The following FMO2 variants were observed in gnomAD, a reference collection of about 807,000 sequenced individuals.
The protein encoded by FMO2 is flavin-containing monooxygenase 2.
In FMO2, 33 loss-of-function variants were observed where a neutral mutation model predicts 41.6. The observed-to-expected ratio is 0.79, with a 90% confidence interval of 0.60 to 1.06. The LOEUF is 1.06. FMO2 is among the 50% of genes least tolerant of loss of function. FMO2 has a pLI of 0.00. For synonymous variants in FMO2, 214 were observed against 219.6 expected (o/e 0.97, Z 0.23); for missense variants, 619 against 632.9 (o/e 0.98, Z 0.23).
intron 2 of FMO2, among the ~76,000 whole-genome samples, chr1:171,189,700 C>G (rs976255299): frequency 2.2e-5 from 3 of 134,768 alleles, no homozygotes; most frequent in African/African-American, 8.5e-5. Context: ...GCTCTGTTGC[C>G]CAGGCTGGAG....
At chr1:171,201,839 A>AC (rs11368448) in intron 5 of FMO2, among the ~76,000 whole-genome samples, 152,276 of 152,284 alleles carry the variant, frequency 1, 76,134 homozygotes, top group Middle Eastern at 1. Flanking sequence ...CGAAGGGGGA[A>AC]CCCTTATAAA....
At chr1:171,198,307 T>C (rs192269412) in intron 4 of FMO2, among the ~76,000 whole-genome samples, 2 of 151,774 alleles carry the variant, frequency 1.3e-5, no homozygotes, top group African/African-American at 4.8e-5. Flanking sequence ...TTTTGTTTAC[T>C]TTTTGAAAAT....
At chr1:171,206,296 A>G (rs1053550385) in intron 7 of FMO2, among the ~76,000 whole-genome samples, 17 of 152,182 alleles carry the variant, frequency 1.1e-4, no homozygotes, top group African/African-American at 4.1e-4. Context: ...GGCACTTATC[A>G]TGGTAGAATA....
At chr1:171,192,120 A>G (rs1658108713) in intron 2 of FMO2, among the ~76,000 whole-genome samples, 1 of 152,208 alleles carries the variant, frequency 6.6e-6, no homozygotes, top group Non-Finnish European at 1.5e-5. Context: ...CTTGATTAAG[A>G]AACTCATTGT....
rs557783951 is a variant in FMO2, at chr1:171,203,802, T to C, written c.628-63T>C. 2.8e-5 allele frequency: 39 copies of C among 1,403,034 alleles called. No individual in the cohort carries two copies. In the Admixed American group the frequency reaches 5.2e-4, roughly 19 times the overall value. 86.9% of individuals were successfully genotyped at this position (1,403,034 alleles called of 1,614,324 possible). A position where few individuals can be genotyped will look rare whatever the true frequency, so the allele number is the denominator to read the frequency against. ...CTACACATGTGATACATGACCTTCA[T>C]AGTAGATTCCTCCTAAACGGGACAA... is the stretch of plus-strand genomic sequence containing the variant. On this transcript the variant is annotated intron_variant, in intron 5 of 8. Transcript: ENST00000209929.
At chr1:171,207,132 C>A in intron 7 of FMO2, among the ~76,000 whole-genome samples, 1 of 152,034 alleles carries the variant, frequency 6.6e-6, no homozygotes, top group Non-Finnish European at 1.5e-5. Context: ...GGGACTTGAC[C>A]ATATTTCAAC....
At chr1:171,199,648 A>C (rs1571283908) in intron 5 of FMO2, 160 bp downstream of exon 5, 3 of 562,370 alleles carry the variant, frequency 5.3e-6, no homozygotes, top group Non-Finnish European at 3.0e-6. Flanking sequence ...AAACCACTTT[A>C]CCTCCTAGCT....
chr1:171,210,687 C>G lies in FMO2; in HGVS notation c.*1542C>G, dbSNP rs1658942669. The G allele has an allele frequency of 6.6e-6, 1 of 152,334 alleles. No homozygotes were observed. The highest frequency in any genetic ancestry group is 1.9e-4 in the East Asian group (1 of 5,178). The allele number at this position is 152,334 out of a possible 1,614,324, so 9.4% of individuals were successfully genotyped here. A position where few individuals can be genotyped will look rare whatever the true frequency, so the allele number is the denominator to read the frequency against. ...AATTTCTCCTCTTATTTCTACCAAG[C>G]CTTTGTGAACATTGCTCTTCATTTT... On this transcript the variant is annotated 3_prime_UTR_variant, in exon 9 of 9. Transcript: ENST00000209929.
Position 171,208,980 on chromosome 1 carries a change from G to C in FMO2, c.1443G>C (p.Trp481Cys). 1 of 1,597,820 alleles carries C rather than the reference G, an allele frequency of 6.3e-7. No individual in the cohort carries two copies. Among genetic ancestry groups the C allele is most frequent in the South Asian group, 1.1e-5 (1 of 89,046 alleles). The change falls in exon 9 of 9, where the codon TGG becomes TGC. Residue 481 changes from tryptophan to cysteine, a missense_variant. Coordinates refer to ENST00000209929, the MANE Select transcript of FMO2 (RefSeq NM_001460.5). The stretch of plus-strand genomic sequence containing the variant: ...ATCGCCTGGTTGGGCCTGGGCAATG[G>C]GAAGGAGCCAGAAATGCCATCTTCA... ...YQYRLVGPGQ[W>C]EGARNAIFTQ...
chr1:171,196,784 C>A lies in FMO2; in HGVS notation c.457C>A (p.Pro153Thr). Residue 153 changes from proline to threonine, a missense_variant, in exon 4 of 9, where the codon CCT becomes ACT. Pro to Thr is a conservative substitution (Grantham distance 38). Coordinates refer to ENST00000209929, the MANE Select transcript of FMO2 (RefSeq NM_001460.5). The stretch of plus-strand genomic sequence containing the variant: ...GGTTTGCAGTGGCCACCACATTCTA[C>A]CTCATATCCCACTGAAGTCATTTCC... ...VMVCSGHHILPHIPLKSFPGM... is the reference protein window; with the variant it reads ...VMVCSGHHILTHIPLKSFPGM... The A allele has an allele frequency of 6.2e-7, 1 of 1,613,564 alleles. No homozygotes were observed. Among genetic ancestry groups the A allele is most frequent in the Non-Finnish European group, 8.5e-7 (1 of 1,179,812 alleles).
intron 3 of FMO2, 100 bp from the exon 4 acceptor site, chr1:171,196,549 T>C: frequency 9.5e-7 from 1 of 1,049,088 alleles, no homozygotes; most frequent in South Asian, 1.5e-5. Context: ...GTCCCACTGC[T>C]GAGTCAGGCC....
intron 4 of FMO2, among the ~76,000 whole-genome samples, chr1:171,197,691 C>A (rs920532516): frequency 6.6e-6 from 1 of 152,130 alleles, no homozygotes; most frequent in Non-Finnish European, 1.5e-5. Flanking sequence ...AAGAGCTCTG[C>A]CCTCAAGAAT....
In FMO2 at chr1:171,185,846, G is replaced by C. The variant is rs1337494672; in HGVS notation, c.132+1G>C. 8 of 1,613,442 alleles carry C rather than the reference G, an allele frequency of 5.0e-6. No individual in the cohort carries two copies. The Admixed American group carries it at 1.3e-4, about 27-fold the overall frequency. Reference sequence around the variant, plus strand: ...TATTGGAGGAGTGTGGAGGTTCAAAGTAAGTGAGATTTTCTTGGGTCTTGA... The same window carrying C: ...TATTGGAGGAGTGTGGAGGTTCAAACTAAGTGAGATTTTCTTGGGTCTTGA... On this transcript the variant is annotated splice_donor_variant, in intron 2 of 8. Transcript: ENST00000209929. LOFTEE classifies it high-confidence loss of function.
Position 171,210,686 on chromosome 1 carries a change from G to A in FMO2, c.*1541G>A, listed in dbSNP as rs905331937. The A allele has an allele frequency of 2.0e-5, 3 of 152,330 alleles. No homozygotes were observed. The highest frequency in any genetic ancestry group is 3.9e-4 in the East Asian group (2 of 5,176). 9.4% of individuals were successfully genotyped at this position (152,330 alleles called of 1,614,324 possible). A position where few individuals can be genotyped will look rare whatever the true frequency, so the allele number is the denominator to read the frequency against. On this transcript the variant is annotated 3_prime_UTR_variant, in exon 9 of 9. Coordinates refer to ENST00000209929, the MANE Select transcript of FMO2 (RefSeq NM_001460.5). Reference sequence around the variant, plus strand: ...AAATTTCTCCTCTTATTTCTACCAAGCCTTTGTGAACATTGCTCTTCATTT... The same window carrying A: ...AAATTTCTCCTCTTATTTCTACCAAACCTTTGTGAACATTGCTCTTCATTT...
At chr1:171,198,785 A>G (rs1658403932) in intron 4 of FMO2, among the ~76,000 whole-genome samples, 2 of 152,180 alleles carry the variant, frequency 1.3e-5, no homozygotes, top group African/African-American at 4.8e-5. Flanking sequence ...AGAAGACAGT[A>G]TCTGGTCCTG....
rs1358035731 is a variant in FMO2, at chr1:171,211,452, A to G, written c.*2307A>G. 6.6e-6 allele frequency among the ~76,000 whole-genome samples: 1 copy of G among 152,182 alleles called. No homozygotes were observed. The highest frequency in any genetic ancestry group is 1.9e-4 in the East Asian group (1 of 5,200). Reference sequence around the variant, plus strand: ...CATTATCACTACCCATTTAGTAGCTATGGTTGTTATCTTACTTCTACAGTG... The same window carrying G: ...CATTATCACTACCCATTTAGTAGCTGTGGTTGTTATCTTACTTCTACAGTG... On this transcript the variant is annotated 3_prime_UTR_variant, in exon 9 of 9. Coordinates refer to ENST00000209929, the MANE Select transcript of FMO2 (RefSeq NM_001460.5).
chr1:171,198,468 C>T (rs543251297), intron 4 of FMO2, among the ~76,000 whole-genome samples: 3 of 150,564 alleles, frequency 2.0e-5, no homozygotes, highest in East Asian at 3.9e-4. Context: ...TGCAGTGGCA[C>T]GATCTCAGCT....
chr1:171,202,749 A>C (rs1658584574), intron 5 of FMO2, among the ~76,000 whole-genome samples: 1 of 152,214 alleles, frequency 6.6e-6, no homozygotes, highest in Non-Finnish European at 1.5e-5. Flanking sequence ...AGCAGTCTGT[A>C]TCCAAACCTC....
At chr1:171,192,343 G>A (rs1183031935) in intron 2 of FMO2, among the ~76,000 whole-genome samples, 3 of 152,148 alleles carry the variant, frequency 2.0e-5, no homozygotes, top group Non-Finnish European at 4.4e-5. Flanking sequence ...ATCTTAATAT[G>A]TATAGTTAAC....
Sources: gnomAD v4.1 joint callset for allele counts (sites outside exome capture counted in the v4.1 genomes callset) on GRCh38, gnomAD v4.1.1 for gene constraint, MANE v1.5 for transcripts, NCBI Gene and HGNC (gene_info 2026-07-23, HGNC 2026-07-21) for gene names.